The following DMD variants were observed in gnomAD, a reference collection of about 807,000 sequenced individuals.
DMD encodes dystrophin.
A neutral mutation model predicts 330.1 loss-of-function variants in DMD; 63 were observed. That is an observed-to-expected ratio of 0.19 (90% CI 0.16 to 0.24). The LOEUF (loss-of-function observed/expected upper bound fraction) is 0.24, where lower values mean the gene tolerates loss of function less well. Among genes scored for constraint, DMD ranks in the 10% least tolerant of loss-of-function variants. The pLI, the probability that DMD is intolerant of heterozygous loss-of-function variation, is 1.00. For synonymous variants in DMD, 1,223 were observed against 959.8 expected (o/e 1.27, Z -5.07); for missense variants, 3,344 against 2,684.1 (o/e 1.25, Z -5.43).
intron 1 of DMD, among the ~76,000 whole-genome samples, chrX:33,231,404 G>A (rs776056555): frequency 1.8e-5 from 2 of 112,061 alleles, no homozygotes; most frequent in African/African-American, 6.5e-5. Flanking sequence ...GTCATGAAAA[G>A]TAGAAATTGT....
chrX:33,236,818 G>A (rs1237284543), intron 1 of DMD, among the ~76,000 whole-genome samples: 1 of 111,392 alleles, frequency 9.0e-6, no homozygotes, highest in East Asian at 2.8e-4. Context: ...CAAATGGTGA[G>A]GCTAGTGGGG....
chrX:32,505,713 G>A (rs927709252), intron 18 of DMD, among the ~76,000 whole-genome samples: 1 of 112,022 alleles, frequency 8.9e-6, no homozygotes, highest in African/African-American at 3.2e-5. Flanking sequence ...GAATGCTGCA[G>A]CAGCTTTGTT....
At chrX:32,841,017 T>C (rs1180012049) in intron 4 of DMD, among the ~76,000 whole-genome samples, 1 of 112,008 alleles carries the variant, frequency 8.9e-6, no homozygotes, top group African/African-American at 3.2e-5. Flanking sequence ...CAGAAGTTAA[T>C]TGTGAGATTT....
intron 43 of DMD, among the ~76,000 whole-genome samples, chrX:32,275,017 A>C (rs1269833319): frequency 1.8e-5 from 2 of 111,467 alleles, no homozygotes; most frequent in Non-Finnish European, 3.8e-5. Context: ...AATCTCCTCT[A>C]TTTGGCTCAC....
intron 49 of DMD, among the ~76,000 whole-genome samples, chrX:31,834,115 C>CA (rs945425961): frequency 4.5e-5 from 5 of 111,275 alleles, no homozygotes; most frequent in Non-Finnish European, 9.4e-5. Context: ...TATATGGACT[C>CA]AAAGTTTAAA....
At chrX:32,711,658 C>A (rs1476534550) in intron 7 of DMD, among the ~76,000 whole-genome samples, 2 of 112,057 alleles carry the variant, frequency 1.8e-5, no homozygotes, top group African/African-American at 3.2e-5. Context: ...AGTACAGACG[C>A]ATTTAAAGTT....
intron 7 of DMD, among the ~76,000 whole-genome samples, chrX:32,776,123 A>G (rs1305513066): frequency 9.0e-6 from 1 of 111,686 alleles, no homozygotes; most frequent in African/African-American, 3.3e-5. Flanking sequence ...GCATAGCAAG[A>G]GTCACTTTTA....
chrX:31,809,207 TTA>T (rs1430070544), intron 50 of DMD, among the ~76,000 whole-genome samples: 2 of 106,121 alleles, frequency 1.9e-5, no homozygotes, highest in African/African-American at 3.4e-5. Flanking sequence ...ATATATGAGT[TTA>T]TATATATAGT....
At chrX:32,860,392 T>C (rs145850199) in intron 2 of DMD, among the ~76,000 whole-genome samples, 2,079 of 111,798 alleles carry the variant, frequency 0.019, 54 homozygotes, top group African/African-American at 0.064. Flanking sequence ...TGGACATAAC[T>C]GTCGCTAAGA....
intron 55 of DMD, among the ~76,000 whole-genome samples, chrX:31,593,483 T>C (rs12556458): frequency 0.26 from 28,728 of 110,651 alleles, 2,882 homozygotes; most frequent in East Asian, 0.35. Flanking sequence ...CTTTACTCAA[T>C]TGATGCTCAA....
chrX:31,442,514 G>T (rs2065018604), intron 60 of DMD, among the ~76,000 whole-genome samples: 1 of 108,518 alleles, frequency 9.2e-6, no homozygotes, highest in Non-Finnish European at 1.9e-5. Context: ...CAAATAAATA[G>T]TGCAACTAGA....
At chrX:31,168,971 A>G (rs546177587) in intron 74 of DMD, among the ~76,000 whole-genome samples, 12 of 112,006 alleles carry the variant, frequency 1.1e-4, no homozygotes, top group East Asian at 5.6e-4. Context: ...GATGGTGAGC[A>G]TAAATAATAA....
chrX:31,268,291 A>G (rs2141757), intron 62 of DMD, among the ~76,000 whole-genome samples: 12,451 of 112,425 alleles, frequency 0.11, 601 homozygotes, highest in South Asian at 0.23. Context: ...GCATGGCAAA[A>G]GAGGCAAAAA....
intron 1 of DMD, among the ~76,000 whole-genome samples, chrX:33,101,837 A>G (rs1235093378): frequency 8.9e-6 from 1 of 111,758 alleles, no homozygotes; most frequent in Non-Finnish European, 1.9e-5. Context: ...TTCACAAGGT[A>G]GACTTGTTTC....
intron 2 of DMD, among the ~76,000 whole-genome samples, chrX:32,884,391 A>G (rs1427514362): frequency 1.8e-5 from 2 of 112,292 alleles, no homozygotes; most frequent in Non-Finnish European, 3.8e-5. Flanking sequence ...CAATTAGTTA[A>G]AAGCGGTACC....
intron 44 of DMD, among the ~76,000 whole-genome samples, chrX:32,127,761 C>G (rs1473267226): frequency 8.9e-6 from 1 of 112,210 alleles, no homozygotes; most frequent in Non-Finnish European, 1.9e-5. Context: ...GTTAAATCAC[C>G]TAAATACTCA....
intron 1 of DMD, among the ~76,000 whole-genome samples, chrX:33,152,523 C>T (rs1603359281): frequency 9.3e-6 from 1 of 107,793 alleles, no homozygotes; most frequent in Non-Finnish European, 1.9e-5. Context: ...GAGAGCCACA[C>T]ACGGAGTTTG....
chrX:33,066,670 A>C (rs1387463644), intron 1 of DMD, among the ~76,000 whole-genome samples: 4 of 110,112 alleles, frequency 3.6e-5, no homozygotes. Flanking sequence ...TGCCCATTTA[A>C]ACCTTTAATT....
At chrX:32,643,437 G>C (rs1406001943) in intron 11 of DMD, among the ~76,000 whole-genome samples, 1 of 109,467 alleles carries the variant, frequency 9.1e-6, no homozygotes, top group African/African-American at 3.3e-5. Flanking sequence ...ATCCACAGTT[G>C]GCACTTCATT....
Sources: gnomAD v4.1 joint callset for allele counts (sites outside exome capture counted in the v4.1 genomes callset) on GRCh38, gnomAD v4.1.1 for gene constraint, MANE v1.5 for transcripts, NCBI Gene and HGNC (gene_info 2026-07-23, HGNC 2026-07-21) for gene names.